KIAA1958: variants seen among roughly 807,000 people sequenced by gnomAD.
KIAA1958 encodes KIAA1958.
In KIAA1958, 14 loss-of-function variants were observed where a neutral mutation model predicts 47.2. The ratio of observed to expected loss-of-function variants is 0.30; its 90% CI spans 0.20 to 0.46. The LOEUF (loss-of-function observed/expected upper bound fraction) is 0.46, where lower values mean the gene tolerates loss of function less well. Ranked by LOEUF, KIAA1958 falls within the 20% of genes least tolerant of loss-of-function variation. The probability of loss-of-function intolerance (pLI) is 1.00; values close to 1 mark genes in which losing one functional copy is unlikely to be tolerated. For synonymous variants in KIAA1958, 354 were observed against 353.3 expected (o/e 1.00, Z -0.02); for missense variants, 803 against 909.2 (o/e 0.88, Z 1.50).
chr9:112,601,902 C>T (rs1435764420), intron 2 of KIAA1958, among the ~76,000 whole-genome samples: 1 of 152,198 alleles, frequency 6.6e-6, no homozygotes, highest in Non-Finnish European at 1.5e-5. Context: ...ACTGGACTAA[C>T]ATACTATCGT....
chr9:112,492,202 G>A (rs1181230724), intron 1 of KIAA1958, among the ~76,000 whole-genome samples: 2 of 152,192 alleles, frequency 1.3e-5, no homozygotes, highest in Non-Finnish European at 1.5e-5. Flanking sequence ...CAATTCTGGA[G>A]GCTAGAAGTA....
intron 2 of KIAA1958, among the ~76,000 whole-genome samples, chr9:112,585,541 A>G (rs1272081585): frequency 6.6e-6 from 1 of 152,218 alleles, no homozygotes; most frequent in Non-Finnish European, 1.5e-5. Context: ...TCAGGGGGAC[A>G]CAGTTCATTA....
At chr9:112,604,533 T>G (rs1836190588) in intron 2 of KIAA1958, among the ~76,000 whole-genome samples, 1 of 152,188 alleles carries the variant, frequency 6.6e-6, no homozygotes, top group Non-Finnish European at 1.5e-5. Flanking sequence ...CACCTATACC[T>G]TCTTTAAGAG....
chr9:112,578,311 C>T (rs1480842429), intron 2 of KIAA1958, among the ~76,000 whole-genome samples: 2 of 152,046 alleles, frequency 1.3e-5, no homozygotes, highest in African/African-American at 4.8e-5. Flanking sequence ...ATCTAGCACA[C>T]CCAGATGTAT....
intron 3 of KIAA1958, among the ~76,000 whole-genome samples, chr9:112,648,615 C>G (rs985801660): frequency 6.6e-6 from 1 of 152,178 alleles, no homozygotes. Flanking sequence ...GGACTTGCAT[C>G]AGGTATGGGG....
chr9:112,644,290 A>C (rs1379975278), intron 2 of KIAA1958, among the ~76,000 whole-genome samples: 1 of 152,152 alleles, frequency 6.6e-6, no homozygotes, highest in Non-Finnish European at 1.5e-5. Flanking sequence ...TGGGGACGGT[A>C]AGAGACTGGT....
intron 3 of KIAA1958, among the ~76,000 whole-genome samples, chr9:112,653,475 A>G (rs1253655741): frequency 1.3e-5 from 2 of 152,162 alleles, no homozygotes; most frequent in South Asian, 2.1e-4. Flanking sequence ...TACCTCCCCT[A>G]CTAGTCTCAC....
At chr9:112,516,197 A>C (rs2132788516) in intron 1 of KIAA1958, among the ~76,000 whole-genome samples, 1 of 152,180 alleles carries the variant, frequency 6.6e-6, no homozygotes, top group South Asian at 2.1e-4. Flanking sequence ...TTGTTCTAGC[A>C]CTTTGAGAGG....
intron 2 of KIAA1958, among the ~76,000 whole-genome samples, chr9:112,576,479 A>G (rs953428292): frequency 2.0e-5 from 3 of 152,160 alleles, no homozygotes; most frequent in African/African-American, 7.2e-5. Flanking sequence ...CATCACCCCA[A>G]AAAGAAATCC....
chr9:112,504,291 A>G lies in KIAA1958; in HGVS notation c.-25+17173A>G, dbSNP rs1587991698. Among the ~76,000 whole-genome samples, 8 of 151,788 alleles carry G rather than the reference A, an allele frequency of 5.3e-5. No homozygotes were observed. The South Asian group carries it at 1.7e-3, about 32-fold the overall frequency. On this transcript the variant is annotated intron_variant, in intron 1 of 3. Transcript: ENST00000337530. ...AACCTCCACCTCCTGGGCTTAAGCA[A>G]TTCTCATGCCTCAGCCTCCCGAGTA...
intron 1 of KIAA1958, among the ~76,000 whole-genome samples, chr9:112,556,503 A>G (rs1835244942): frequency 6.6e-6 from 1 of 152,184 alleles, no homozygotes; most frequent in African/African-American, 2.4e-5. Flanking sequence ...CTTTGTAAAA[A>G]TTATAATTTT....
intron 2 of KIAA1958, among the ~76,000 whole-genome samples, chr9:112,598,987 C>T (rs534402597): frequency 1.3e-5 from 2 of 152,136 alleles, no homozygotes; most frequent in East Asian, 3.9e-4. Flanking sequence ...AAGACTGAGA[C>T]AGGAGGATCG....
intron 2 of KIAA1958, among the ~76,000 whole-genome samples, chr9:112,617,192 G>A (rs965263095): frequency 6.6e-6 from 1 of 152,192 alleles, no homozygotes; most frequent in Non-Finnish European, 1.5e-5. Context: ...TAATTCAAAT[G>A]TAACTGTCCT....
intron 2 of KIAA1958, among the ~76,000 whole-genome samples, chr9:112,620,982 C>CT (rs1311953388): frequency 6.6e-6 from 1 of 152,046 alleles, no homozygotes; most frequent in Non-Finnish European, 1.5e-5. Context: ...GGTGAGTTAT[C>CT]TTTATTTTAT....
At chr9:112,536,760 A>G (rs1373389114) in intron 1 of KIAA1958, among the ~76,000 whole-genome samples, 1 of 152,156 alleles carries the variant, frequency 6.6e-6, no homozygotes, top group African/African-American at 2.4e-5. Flanking sequence ...CAGCCTGGGC[A>G]ACAGAGCAAG....
chr9:112,586,054 A>G (rs980528919), intron 2 of KIAA1958, among the ~76,000 whole-genome samples: 4 of 152,206 alleles, frequency 2.6e-5, no homozygotes, highest in Non-Finnish European at 5.9e-5. Flanking sequence ...AGACATCTCA[A>G]ACACCCCTAG....
At chr9:112,658,137 G>A (rs1398147269) in intron 3 of KIAA1958, among the ~76,000 whole-genome samples, 3 of 152,086 alleles carry the variant, frequency 2.0e-5, no homozygotes, top group East Asian at 3.9e-4. Context: ...GATTACAGGC[G>A]TGAGCCACCA....
intron 3 of KIAA1958, among the ~76,000 whole-genome samples, chr9:112,648,253 AG>A (rs1385136706): frequency 5.3e-5 from 8 of 152,168 alleles, no homozygotes; most frequent in Non-Finnish European, 1.2e-4. Flanking sequence ...AATTAATAGT[AG>A]GTTTGTGGTA....
intron 1 of KIAA1958, among the ~76,000 whole-genome samples, chr9:112,522,185 G>T (rs1383625092): frequency 6.6e-6 from 1 of 152,044 alleles, no homozygotes; most frequent in Non-Finnish European, 1.5e-5. Context: ...TGGTCAGGCT[G>T]GTCTCGAACT....
Sources: allele counts gnomAD v4.1 joint callset (sites outside exome capture counted in the v4.1 genomes callset), GRCh38; gene constraint gnomAD v4.1.1; transcripts MANE v1.5; gene names NCBI Gene and HGNC (gene_info 2026-07-23, HGNC 2026-07-21).